Variants in BICC1 observed in about 807,000 individuals in gnomAD.
BICC1 encodes BicC family RNA binding protein 1, also known as protein bicaudal C homolog 1.
A neutral mutation model predicts 111.0 loss-of-function variants in BICC1; 43 were observed. The observed-to-expected ratio is 0.39, with a 90% CI of 0.30 to 0.50. The LOEUF is 0.50. BICC1 is among the 20% of genes least tolerant of loss of function. The pLI is 0.88. For missense variants in BICC1, 1,091 were observed against 1,203.2 expected (o/e 0.91, Z 1.38); for synonymous variants, 467 against 434.4 (o/e 1.07, Z -0.93).
chr10:58,574,965 CA>C, intron 1 of BICC1, among the ~76,000 whole-genome samples: 1 of 151,694 alleles, frequency 6.6e-6, no homozygotes, highest in East Asian at 1.9e-4. Flanking sequence ...AACGAGTGAG[CA>C]AAAAATGACT....
chr10:58,824,456 A>G (rs972929283), intron 20 of BICC1, among the ~76,000 whole-genome samples: 7 of 152,186 alleles, frequency 4.6e-5, no homozygotes, highest in African/African-American at 1.4e-4. Context: ...TGCTTTGACC[A>G]TATAGGGGCA....
chr10:58,803,024 C>A, intron 14 of BICC1, 53 bp from the exon 15 acceptor site: 2 of 1,440,828 alleles, frequency 1.4e-6, no homozygotes, highest in Non-Finnish European at 1.8e-6. Flanking sequence ...AGGAAACATT[C>A]AGTACATTTG....
At position 58,679,103 on chromosome 10, in the gene BICC1, C is replaced by A. The variant is rs1269981080; in HGVS notation, c.238-22971C>A. ...AAGCAGGAAAGATCTAAAATTGACA[C>A]CCTAACATCACAATTAAAAGAACTA... On this transcript the variant is annotated intron_variant, in intron 2 of 20. Coordinates refer to ENST00000373886, the MANE Select transcript of BICC1 (RefSeq NM_001080512.3). Among the ~76,000 whole-genome samples, 5 of 152,176 alleles carry A rather than the reference C, an allele frequency of 3.3e-5. No homozygotes were observed. The East Asian group carries it at 7.7e-4, about 23-fold the overall frequency.
At position 58,789,929 on chromosome 10, in the gene BICC1, T is replaced by A; in HGVS notation, c.1043T>A (p.Leu348His). 6.2e-7 allele frequency: 1 copy of A among 1,614,060 alleles called. No homozygotes were observed. Among genetic ancestry groups the A allele is most frequent in the Non-Finnish European group, 8.5e-7 (1 of 1,179,994 alleles). The change falls in exon 8 of 21, where the codon CTC (leucine) becomes CAC (histidine). Residue 348 changes from leucine to histidine, a missense_variant. Coordinates refer to ENST00000373886, the MANE Select transcript of BICC1 (RefSeq NM_001080512.3). ...IESVCLARQY[L>H]MGCLPLVLMF... ...TCTGTCTGTCTTGCAAGGCAATATC[T>A]CATGGTAAGGTTACTGAAATAAGTG... is the stretch of plus-strand genomic sequence containing the variant.
At chr10:58,663,704 A>G (rs10740751) in intron 2 of BICC1, among the ~76,000 whole-genome samples, 149,440 of 152,302 alleles carry the variant, frequency 0.98, 73,402 homozygotes, top group Middle Eastern at 1. Flanking sequence ...CTGCGGTGGG[A>G]CAGTTTCATC....
intron 2 of BICC1, among the ~76,000 whole-genome samples, chr10:58,690,192 A>G (rs1839870670): frequency 1.3e-5 from 2 of 152,316 alleles, no homozygotes; most frequent in African/African-American, 4.8e-5. Flanking sequence ...CTTTTCTGGC[A>G]GAGGCAGTCG....
intron 2 of BICC1, among the ~76,000 whole-genome samples, chr10:58,626,535 G>A (rs1449483361): frequency 6.6e-6 from 1 of 152,122 alleles, no homozygotes; most frequent in East Asian, 1.9e-4. Context: ...CAGGGTTAGT[G>A]AGAAGAGATT....
intron 8 of BICC1, among the ~76,000 whole-genome samples, chr10:58,792,517 A>G (rs1210717379): frequency 6.6e-6 from 1 of 152,188 alleles, no homozygotes; most frequent in Non-Finnish European, 1.5e-5. Context: ...GAGGCTTCCC[A>G]TCACTCACAT....
In BICC1 at chr10:58,740,077, T is replaced by A. The variant is rs577956881; in HGVS notation, c.307+37934T>A. On this transcript the variant is annotated intron_variant, in intron 3 of 20. Transcript: ENST00000373886. Reference sequence around the variant, plus strand: ...TTAATCTTTTTGATCAGTTTCCTTATATGTAAAACAAGAATAATGGTTCCT... The same window carrying A: ...TTAATCTTTTTGATCAGTTTCCTTAAATGTAAAACAAGAATAATGGTTCCT... Among the ~76,000 whole-genome samples, 5 of 152,168 alleles carry A rather than the reference T, an allele frequency of 3.3e-5. No homozygotes were observed. In the East Asian group the frequency reaches 5.8e-4, roughly 18 times the overall value.
At chr10:58,708,175 AGAGACAG>A (rs1463748553) in intron 3 of BICC1, among the ~76,000 whole-genome samples, 1 of 129,104 alleles carries the variant, frequency 7.7e-6, no homozygotes, top group Non-Finnish European at 1.6e-5. Context: ...TATTTTTAGT[AGAGACAG>A]GGTTTTACCA....
At chr10:58,732,874 A>T (rs1452824843) in intron 3 of BICC1, among the ~76,000 whole-genome samples, 1 of 152,186 alleles carries the variant, frequency 6.6e-6, no homozygotes, top group Non-Finnish European at 1.5e-5. Context: ...ACAGATCACC[A>T]TAACAAATAT....
intron 3 of BICC1, among the ~76,000 whole-genome samples, chr10:58,710,092 A>C (rs1212059414): frequency 6.6e-6 from 1 of 152,214 alleles, no homozygotes; most frequent in Non-Finnish European, 1.5e-5. Context: ...TATTTTATGT[A>C]CATAATCTTT....
At chr10:58,710,641 T>C (rs1297028152) in intron 3 of BICC1, among the ~76,000 whole-genome samples, 1 of 152,216 alleles carries the variant, frequency 6.6e-6, no homozygotes, top group Non-Finnish European at 1.5e-5. Flanking sequence ...TTTTGATATG[T>C]CATTAAACAA....
In BICC1 at chr10:58,525,397, G is replaced by C. The variant is rs1208738164; in HGVS notation, c.190+12064G>C. Among the ~76,000 whole-genome samples, 2 of 109,016 alleles carry C rather than the reference G, an allele frequency of 1.8e-5. 1 individual carries two copies. Among genetic ancestry groups the C allele is most frequent in the African/African-American group, 5.7e-5 (2 of 35,120 alleles). 71.5% of individuals were successfully genotyped at this position (109,016 alleles called of 152,430 possible). A position where few individuals can be genotyped will look rare whatever the true frequency, so the allele number is the denominator to read the frequency against. On this transcript the variant is annotated intron_variant, in intron 1 of 20. Coordinates refer to ENST00000373886, the MANE Select transcript of BICC1 (RefSeq NM_001080512.3). ...ACTATGCAGCCATAAAAAAGGATGA[G>C]TTCATCTCCTTGGTAGGGCATGGAT...
chr10:58,520,838 A>G (rs1842368379), intron 1 of BICC1, among the ~76,000 whole-genome samples: 1 of 150,946 alleles, frequency 6.6e-6, no homozygotes, highest in Non-Finnish European at 1.5e-5. Context: ...ATGATATTTT[A>G]GGAATTTTTT....
At chr10:58,554,019 A>G (rs1843373308) in intron 1 of BICC1, among the ~76,000 whole-genome samples, 1 of 152,192 alleles carries the variant, frequency 6.6e-6, no homozygotes. Context: ...GATTCTGTAG[A>G]AGAAGAATTT....
chr10:58,728,748 A>G (rs961995687), intron 3 of BICC1, among the ~76,000 whole-genome samples: 32 of 152,092 alleles, frequency 2.1e-4, no homozygotes, highest in African/African-American at 7.2e-4. Context: ...TTACTCCTCT[A>G]TCCATGGGGT....
intron 3 of BICC1, chr10:58,716,090 A>G (rs1840731149): frequency 1.3e-6 from 2 of 1,492,130 alleles, no homozygotes; most frequent in Non-Finnish European, 1.8e-6. Context: ...CTCAGCAAAA[A>G]GAGAAAGATG....
rs561194438 is a variant in BICC1, at chr10:58,520,015, T to C, written c.190+6682T>C. ...CATGCCTCGCCCTTTTGGCTTTTCA[T>C]AGATTGGTCACTTAGGTATAATCTG... is the stretch of plus-strand genomic sequence containing the variant. On this transcript the variant is annotated intron_variant, in intron 1 of 20. Coordinates refer to ENST00000373886, the MANE Select transcript of BICC1 (RefSeq NM_001080512.3). Among the ~76,000 whole-genome samples the C allele has an allele frequency of 4.6e-5, 7 of 152,336 alleles. No homozygotes were observed. In the South Asian group the frequency reaches 1.2e-3, roughly 27 times the overall value.
Sources: allele counts gnomAD v4.1 joint callset (sites outside exome capture counted in the v4.1 genomes callset), GRCh38; gene constraint gnomAD v4.1.1; transcripts MANE v1.5; gene names NCBI Gene and HGNC (gene_info 2026-07-23, HGNC 2026-07-21).